Variants in SOWAHB observed in about 807,000 individuals in gnomAD.
The protein encoded by SOWAHB is ankyrin repeat domain-containing protein SOWAHB.
Under a neutral mutation model 18.3 loss-of-function variants are expected in SOWAHB, and 17 were observed. The observed-to-expected ratio is 0.93, with a 90% CI of 0.64 to 1.40. SOWAHB has a LOEUF of 1.40. Among genes scored for constraint, SOWAHB ranks in the 40% most tolerant of loss-of-function variants. The pLI, the probability that SOWAHB is intolerant of heterozygous loss-of-function variation, is 0.00. For synonymous variants in SOWAHB, 496 were observed against 448.1 expected, an observed-to-expected ratio of 1.11 and a Z score of -1.35; for missense variants, 1,126 against 1,033.7, an observed-to-expected ratio of 1.09 and a Z score of -1.22.
rs1487401817 is a variant in SOWAHB, at chr4:76,895,595, A to C, written c.2255T>G (p.Ile752Arg). The C allele has an allele frequency of 6.2e-7, 1 of 1,614,198 alleles. No homozygotes were observed. Among genetic ancestry groups the C allele is most frequent in the Non-Finnish European group, 8.5e-7 (1 of 1,180,042 alleles). The change falls in exon 1 of 1, where the codon ATA (isoleucine) becomes AGA (arginine). Residue 752 changes from isoleucine to arginine, a missense_variant. Physicochemically the swap from Ile to Arg is moderately conservative, Grantham distance 97 (BLOSUM62 -3). Coordinates refer to ENST00000334306, the MANE Select transcript of SOWAHB (RefSeq NM_001029870.3). ...SPTRKAKSKE[I>R]SRSVTRKTSF... Reference sequence around the variant, plus strand: ...AGTTTTTCGGGTGACACTTCTAGATATTTCCTTGCTCTTGGCCTTTCTGGT... The same window carrying C: ...AGTTTTTCGGGTGACACTTCTAGATCTTTCCTTGCTCTTGGCCTTTCTGGT...
Position 76,896,503 on chromosome 4 carries a change from G to A in SOWAHB, c.1347C>T (p.Gly449=). ...GACCCTGAGGGCTCCGGCTGGGGCTGCCCTCCTTCCGAGATACAGAAAGGC... is the reference window on the plus strand; with the variant it reads ...GACCCTGAGGGCTCCGGCTGGGGCTACCCTCCTTCCGAGATACAGAAAGGC... The part of the protein sequence containing the change: ...AGGLSVSRKE[G]SPSRSPQGLR... Residue 449 remains glycine (G), a synonymous_variant, in exon 1 of 1, where the codon GGC becomes GGT. Coordinates refer to ENST00000334306, the MANE Select transcript of SOWAHB (RefSeq NM_001029870.3). 1 of 1,612,892 alleles carries A rather than the reference G, an allele frequency of 6.2e-7. No homozygotes were observed. The highest frequency in any genetic ancestry group is 1.1e-5 in the South Asian group (1 of 91,046).
In SOWAHB at chr4:76,897,145, G is replaced by A; in HGVS notation, c.705C>T (p.Arg235=). 5.8e-6 allele frequency: 9 copies of A among 1,550,136 alleles called. No homozygotes were observed. Among genetic ancestry groups the A allele is most frequent in the Non-Finnish European group, 7.8e-6 (9 of 1,154,654 alleles). Reference sequence around the variant, plus strand: ...CTTCTTCCCGCTCCCTGGAAGCCCCGCGGTCATCCTGGGCAGGCAGAGCCC... The same window carrying A: ...CTTCTTCCCGCTCCCTGGAAGCCCCACGGTCATCCTGGGCAGGCAGAGCCC... ...PARALPAQDD[R]GASREREEGA... is the part of the protein sequence containing the mutation. The change falls in exon 1 of 1, where the codon CGC becomes CGT. Residue 235 remains arginine (R), a synonymous_variant. Coordinates refer to ENST00000334306, the MANE Select transcript of SOWAHB (RefSeq NM_001029870.3). The surrounding 1 kb of genome is among the most constrained non-coding windows in gnomAD (Gnocchi z 6.4).
chr4:76,895,478 T>C lies in SOWAHB; in HGVS notation c.2372A>G (p.Tyr791Cys), dbSNP rs140407360. 1,274 of 1,601,576 alleles carry C rather than the reference T, an allele frequency of 8.0e-4. 3 individuals carry two copies. The highest frequency in any genetic ancestry group is 1.0e-3 in the Non-Finnish European group (1,194 of 1,173,772). ...ACAGAGAGACCCACCTCAGTCACTATACTCTTCTCTTTCCCTTGGACTGTG... is the reference window on the plus strand; with the variant it reads ...ACAGAGAGACCCACCTCAGTCACTACACTCTTCTCTTTCCCTTGGACTGTG... ...KFHSPREREE[Y>C]SD Residue 791 changes from tyrosine to cysteine, a missense_variant, in exon 1 of 1, where the codon TAT (tyrosine) becomes TGT (cysteine). Tyr to Cys is a radical substitution (Grantham distance 194, BLOSUM62 -2). Coordinates refer to ENST00000334306, the MANE Select transcript of SOWAHB (RefSeq NM_001029870.3).
rs759314719 is a variant in SOWAHB, at chr4:76,896,728, C to A, written c.1122G>T (p.Ala374=). 11 of 1,613,920 alleles carry A rather than the reference C, an allele frequency of 6.8e-6. No individual in the cohort carries two copies. The East Asian group carries it at 1.3e-4, about 20-fold the overall frequency. ...GAAAGACAGTCAATGAAGGGTTCCC[C>A]GCCCAGGATTCCCAGGACTCATCCG... ...VVPDESWESW[A]GNPSLTVFRS... is the part of the protein sequence containing the mutation. The change falls in exon 1 of 1, where the codon GCG becomes GCT. Residue 374 remains alanine (A), a synonymous_variant. Coordinates refer to ENST00000334306, the MANE Select transcript of SOWAHB (RefSeq NM_001029870.3).
Position 76,896,878 on chromosome 4 carries a change from A to AGGGCCCTGATCAC in SOWAHB, c.959_971dup (p.Ile325Ter). The stretch of plus-strand genomic sequence containing the variant: ...CTGGCAGCACCGACCAGGCGCGGAT[A>AGGGCCCTGATCAC]GGGCCCTGATCACGGGCCTCGGGCA... On this transcript the variant is annotated stop_gained and frameshift_variant, in exon 1 of 1. Coordinates refer to ENST00000334306, the MANE Select transcript of SOWAHB (RefSeq NM_001029870.3). LOFTEE classifies it low-confidence loss of function (END_TRUNC). 1 of 1,613,350 alleles carries AGGGCCCTGATCAC rather than the reference A, an allele frequency of 6.2e-7. No individual in the cohort carries two copies. The highest frequency in any genetic ancestry group is 8.5e-7 in the Non-Finnish European group (1 of 1,179,988).
rs1343398821 is a variant in SOWAHB at position 76,897,714 on chromosome 4, G to C, written c.136C>G (p.His46Asp). ...AAGCCCTTGAAGAGCTCGCGGCGGT[G>C]CTGGTGCTGGCTGGGGGACGCGTCG... ...DPDASPSQHQ[H>D]RRELFKGFVN... The change falls in exon 1 of 1, where the codon CAC (histidine) becomes GAC (aspartate). Residue 46 changes from histidine (H) to aspartate (D), a missense_variant. By Grantham distance (81) the His-to-Asp change is moderately conservative (BLOSUM62 -1). Transcript: ENST00000334306. The surrounding 1 kb of genome is among the most constrained non-coding windows in gnomAD (Gnocchi z 6.4). 6.2e-7 allele frequency: 1 copy of C among 1,610,828 alleles called. No homozygotes were observed. Among genetic ancestry groups the C allele is most frequent in the Admixed American group, 1.7e-5 (1 of 60,018 alleles).
In SOWAHB at chr4:76,896,431, C is replaced by T. The variant is rs1719914438; in HGVS notation, c.1419G>A (p.Gly473=). 7 of 1,610,590 alleles carry T rather than the reference C, an allele frequency of 4.3e-6. No homozygotes were observed. Among genetic ancestry groups the T allele is most frequent in the Non-Finnish European group, 5.9e-6 (7 of 1,178,566 alleles). The part of the protein sequence containing the change: ...DGHISQQVPA[G]ANGLAGHPLK... ...GGGGGTGGCCTGCAAGGCCATTAGC[C>T]CCTGCAGGGACCTGCTGAGAGATGT... Residue 473 remains glycine, a synonymous_variant, in exon 1 of 1, where the codon GGG becomes GGA. Coordinates refer to ENST00000334306, the MANE Select transcript of SOWAHB (RefSeq NM_001029870.3).
In SOWAHB at chr4:76,895,604, CT is replaced by C; in HGVS notation, c.2245del (p.Ser749AlafsTer77). ...GSSSPTRKAK[S>X]KEISRSVTRK... The stretch of plus-strand genomic sequence containing the variant: ...GGTGACACTTCTAGATATTTCCTTG[CT>C]CTTGGCCTTTCTGGTAGGGGAAGAA... On this transcript the variant is annotated frameshift_variant, in exon 1 of 1. Coordinates refer to ENST00000334306, the MANE Select transcript of SOWAHB (RefSeq NM_001029870.3). LOFTEE classifies it high-confidence loss of function. 6.2e-7 allele frequency: 1 copy of C among 1,614,216 alleles called. No homozygotes were observed. Among genetic ancestry groups the C allele is most frequent in the Non-Finnish European group, 8.5e-7 (1 of 1,180,036 alleles).
At position 76,896,937 on chromosome 4, in the gene SOWAHB, G is replaced by A; in HGVS notation, c.913C>T (p.Arg305Cys). Residue 305 changes from arginine (R) to cysteine (C), a missense_variant, in exon 1 of 1, where the codon CGC (arginine) becomes TGC (cysteine). Coordinates refer to ENST00000334306, the MANE Select transcript of SOWAHB (RefSeq NM_001029870.3). Reference protein sequence around the residue: ...HYSTLQQQQQRTREWVARHPQ... With the variant: ...HYSTLQQQQQCTREWVARHPQ... The stretch of plus-strand genomic sequence containing the variant: ...TGCCTGGCCACCCACTCTCGAGTGC[G>A]CTGCTGCTGCTGCTGCAGGGTCGAA... The A allele has an allele frequency of 5.7e-6, 9 of 1,591,422 alleles. No individual in the cohort carries two copies. The highest frequency in any genetic ancestry group is 7.7e-6 in the Non-Finnish European group (9 of 1,171,396).
In SOWAHB at chr4:76,895,723, C is replaced by G. The variant is rs1164730808; in HGVS notation, c.2127G>C (p.Gln709His). ...CCCCAGAGGTATTACTGGTTAGATA[C>G]TGCCATGGCTTCTTCCCACTGCTGT... ...VRDSSGKKPW[Q>H]YLTSNTSGEI... The change falls in exon 1 of 1, where the codon CAG becomes CAC. Residue 709 changes from glutamine to histidine, a missense_variant. Transcript: ENST00000334306. 3 of 1,614,258 alleles carry G rather than the reference C, an allele frequency of 1.9e-6. No individual in the cohort carries two copies. Among genetic ancestry groups the G allele is most frequent in the Non-Finnish European group, 2.5e-6 (3 of 1,180,046 alleles).
rs1453981121 is a variant in SOWAHB, at chr4:76,896,770, A to G, written c.1080T>C (p.Ser360=). 6.2e-7 allele frequency: 1 copy of G among 1,613,930 alleles called. No individual in the cohort carries two copies. Among genetic ancestry groups the G allele is most frequent in the Non-Finnish European group, 8.5e-7 (1 of 1,180,036 alleles). The change falls in exon 1 of 1, where the codon TCT becomes TCC. Residue 360 remains serine (S), a synonymous_variant. Transcript: ENST00000334306. ...EPPDPCLSSH[S]LFPVVPDESW... ...ACTCATCCGGAACAACAGGAAAGAG[A>G]GAGTGCGAGGAAAGACAGGGGTCTG...
In SOWAHB at chr4:76,896,874, G is replaced by A. The variant is rs1251411699; in HGVS notation, c.976C>T (p.Arg326Cys). 1 of 1,613,420 alleles carries A rather than the reference G, an allele frequency of 6.2e-7. No homozygotes were observed. The highest frequency in any genetic ancestry group is 1.7e-5 in the Admixed American group (1 of 60,032). ...VPEARDQGPI[R>C]AWSVLPDNFL... is the part of the protein sequence containing the mutation. Reference sequence around the variant, plus strand: ...TTGTCTGGCAGCACCGACCAGGCGCGGATAGGGCCCTGATCACGGGCCTCG... The same window carrying A: ...TTGTCTGGCAGCACCGACCAGGCGCAGATAGGGCCCTGATCACGGGCCTCG... The change falls in exon 1 of 1, where the codon CGC becomes TGC. Residue 326 changes from arginine (R) to cysteine (C), a missense_variant. Physicochemically the swap from Arg to Cys is radical, Grantham distance 180. Coordinates refer to ENST00000334306, the MANE Select transcript of SOWAHB (RefSeq NM_001029870.3).
At position 76,897,743 on chromosome 4, in the gene SOWAHB, T is replaced by C; in HGVS notation, c.107A>G (p.Asp36Gly). Residue 36 changes from aspartate (D) to glycine (G), a missense_variant, in exon 1 of 1, where the codon GAC (aspartate) becomes GGC (glycine). Transcript: ENST00000334306. The surrounding 1 kb of genome is among the most constrained non-coding windows in gnomAD (Gnocchi z 6.4). ...LLSHFKSFLR[D>G]PDASPSQHQH... ...GTGCTGGCTGGGGGACGCGTCGGGG[T>C]CTCGGAGAAAGCTCTTGAAGTGGCT... The C allele has an allele frequency of 6.2e-7, 1 of 1,608,454 alleles. No individual in the cohort carries two copies. The highest frequency in any genetic ancestry group is 1.7e-5 in the Admixed American group (1 of 59,976).
Position 76,895,293 on chromosome 4 carries a change from G to T in SOWAHB, c.*175C>A. On this transcript the variant is annotated 3_prime_UTR_variant, in exon 1 of 1. Transcript: ENST00000334306. The stretch of plus-strand genomic sequence containing the variant: ...AGTCAAGGAGTTCAGCTTTCAAAAA[G>T]CTTGGATGACCCTCTTGAGGTCCAG... The T allele has an allele frequency of 1.6e-6, 1 of 612,730 alleles. No individual in the cohort carries two copies. Among genetic ancestry groups the T allele is most frequent in the East Asian group, 2.9e-5 (1 of 33,920 alleles). 38.0% of individuals were successfully genotyped at this position (612,730 alleles called of 1,614,324 possible). A position where few individuals can be genotyped will look rare whatever the true frequency, so the allele number is the denominator to read the frequency against.
Position 76,896,754 on chromosome 4 carries a change from G to C in SOWAHB, c.1096C>G (p.Pro366Ala). Reference protein sequence around the residue: ...LSSHSLFPVVPDESWESWAGN... With the variant: ...LSSHSLFPVVADESWESWAGN... ...GCCCAGGATTCCCAGGACTCATCCG[G>C]AACAACAGGAAAGAGAGAGTGCGAG... is the stretch of plus-strand genomic sequence containing the variant. Residue 366 changes from proline to alanine, a missense_variant, in exon 1 of 1, where the codon CCG becomes GCG. By Grantham distance (27) the Pro-to-Ala change is conservative. Transcript: ENST00000334306. The C allele has an allele frequency of 1.2e-6, 2 of 1,613,836 alleles. No individual in the cohort carries two copies. Among genetic ancestry groups the C allele is most frequent in the Non-Finnish European group, 1.7e-6 (2 of 1,180,012 alleles).
chr4:76,895,655 A>T lies in SOWAHB; in HGVS notation c.2195T>A (p.Phe732Tyr), dbSNP rs752451399. The T allele has an allele frequency of 2.5e-6, 4 of 1,614,228 alleles. No homozygotes were observed. In the East Asian group the frequency reaches 8.9e-5, roughly 36 times the overall value. ...ACTTCCAACTAAGGGATAGACAGGGAAAATGGGCTTGCCCCGAGGAGCTCC... is the reference window on the plus strand; with the variant it reads ...ACTTCCAACTAAGGGATAGACAGGGTAAATGGGCTTGCCCCGAGGAGCTCC... ...LLGAPRGKPI[F>Y]PVYPLVGSSS... The change falls in exon 1 of 1, where the codon TTC becomes TAC. Residue 732 changes from phenylalanine to tyrosine, a missense_variant. Physicochemically the swap from Phe to Tyr is conservative, Grantham distance 22. Coordinates refer to ENST00000334306, the MANE Select transcript of SOWAHB (RefSeq NM_001029870.3).
In SOWAHB at chr4:76,897,723, G is replaced by A. The variant is rs1457861872; in HGVS notation, c.127C>T (p.Gln43Ter). The change falls in exon 1 of 1, where the codon CAG (glutamine) becomes TAG (stop). Residue 43 changes from glutamine (Q) to a stop codon, truncating the protein, a stop_gained. Coordinates refer to ENST00000334306, the MANE Select transcript of SOWAHB (RefSeq NM_001029870.3). LOFTEE classifies it low-confidence loss of function (END_TRUNC). The surrounding 1 kb of genome is among the most constrained non-coding windows in gnomAD (Gnocchi z 6.4). ...AAGAGCTCGCGGCGGTGCTGGTGCTGGCTGGGGGACGCGTCGGGGTCTCGG... is the reference window on the plus strand; with the variant it reads ...AAGAGCTCGCGGCGGTGCTGGTGCTAGCTGGGGGACGCGTCGGGGTCTCGG... ...FLRDPDASPS[Q>*]HQHRRELFKG... 3 of 1,610,466 alleles carry A rather than the reference G, an allele frequency of 1.9e-6. No individual in the cohort carries two copies. The highest frequency in any genetic ancestry group is 2.7e-5 in the African/African-American group (2 of 74,938).
Position 76,897,518 on chromosome 4 carries a change from C to T in SOWAHB, c.332G>A (p.Arg111His), listed in dbSNP as rs1367069683. 3.5e-6 allele frequency: 5 copies of T among 1,413,784 alleles called. No homozygotes were observed. The highest frequency in any genetic ancestry group is 3.4e-5 in the Admixed American group (1 of 29,570). 87.6% of individuals were successfully genotyped at this position (1,413,784 alleles called of 1,614,324 possible). A position where few individuals can be genotyped will look rare whatever the true frequency, so the allele number is the denominator to read the frequency against. ...CTGCTGCTGGGGCGGCTCCCCCCGG[C>T]GCGCGCCTCGCGGGGAGCAGGGCGC... ...GAAPCSPRGARRGEPPQQQPR... is the reference protein window; with the variant it reads ...GAAPCSPRGAHRGEPPQQQPR... Residue 111 changes from arginine (R) to histidine (H), a missense_variant, in exon 1 of 1, where the codon CGC (arginine) becomes CAC (histidine). Physicochemically the swap from Arg to His is conservative, Grantham distance 29 (BLOSUM62 0). Coordinates refer to ENST00000334306, the MANE Select transcript of SOWAHB (RefSeq NM_001029870.3). This position sits in a 1 kb window ranked among gnomAD's most constrained non-coding sequence, Gnocchi z 6.4.
Position 76,897,855 on chromosome 4 carries a change from C to T in SOWAHB, c.-6G>A. The stretch of plus-strand genomic sequence containing the variant: ...TGGCTCAGCTCTCGGGCCATCGCTG[C>T]CTTGTCCTCCGCCCCAGAGGTGTCT... On this transcript the variant is annotated 5_prime_UTR_variant, in exon 1 of 1. Transcript: ENST00000334306. The surrounding 1 kb of genome is among the most constrained non-coding windows in gnomAD (Gnocchi z 6.4). 6.3e-7 allele frequency: 1 copy of T among 1,592,688 alleles called. No homozygotes were observed. Among genetic ancestry groups the T allele is most frequent in the Non-Finnish European group, 8.5e-7 (1 of 1,177,304 alleles).
Sources: allele counts gnomAD v4.1 joint callset, GRCh38; gene constraint gnomAD v4.1.1; non-coding constraint Gnocchi (gnomAD v3.1); transcripts MANE v1.5; gene names NCBI Gene and HGNC (gene_info 2026-07-23, HGNC 2026-07-21).